The following ABTB3 variants were observed in gnomAD, a reference collection of about 807,000 sequenced individuals.
ABTB3 encodes the protein ankyrin repeat and BTB domain containing 3.
At chr12:107,656,403 T>A in the ABTB3 span, among the ~76,000 whole-genome samples, 1 of 152,248 alleles carries the variant, frequency 6.6e-6, no homozygotes, top group Non-Finnish European at 1.5e-5. Flanking sequence ...TATTTTCAAC[T>A]TTCCAGACCA....
the ABTB3 span, among the ~76,000 whole-genome samples, chr12:107,529,937 T>C: frequency 6.6e-6 from 1 of 152,176 alleles, no homozygotes; most frequent in African/African-American, 2.4e-5. Flanking sequence ...AAACATGTAA[T>C]GTGTTAGACT....
the ABTB3 span, chr12:107,319,485 C>A: frequency 1.6e-5 from 25 of 1,596,594 alleles, no homozygotes; most frequent in Non-Finnish European, 1.7e-5. Flanking sequence ...ACGGCGGCTG[C>A]GCTGGCCGCA....
chr12:107,504,187 T>A, the ABTB3 span, among the ~76,000 whole-genome samples: 471 of 152,340 alleles, frequency 3.1e-3, no homozygotes, highest in African/African-American at 0.011. Flanking sequence ...TTCTAATGTT[T>A]TTAAAAGACA....
chr12:107,453,349 TGGTATTAAAAG>T, the ABTB3 span, among the ~76,000 whole-genome samples: 2 of 152,132 alleles, frequency 1.3e-5, no homozygotes, highest in African/African-American at 4.8e-5. Flanking sequence ...CCCAAGGTGA[TGGTATTAAAAG>T]GTGGGGCCTT....
chr12:107,384,431 A>G, the ABTB3 span, among the ~76,000 whole-genome samples: 1 of 152,200 alleles, frequency 6.6e-6, no homozygotes, highest in Non-Finnish European at 1.5e-5. Flanking sequence ...GCATTGGCCC[A>G]GAATGGAGAC....
chr12:107,434,252 G>A, the ABTB3 span, among the ~76,000 whole-genome samples: 2 of 152,180 alleles, frequency 1.3e-5, no homozygotes, highest in Non-Finnish European at 2.9e-5. Flanking sequence ...ATCAGTCTAT[G>A]GTTGGGAGCT....
chr12:107,471,745 C>G, the ABTB3 span, among the ~76,000 whole-genome samples: 1 of 152,158 alleles, frequency 6.6e-6, no homozygotes, highest in Non-Finnish European at 1.5e-5. Flanking sequence ...GGAGGAAGAA[C>G]ACCCCTCACA....
At chr12:107,444,015 G>T in the ABTB3 span, among the ~76,000 whole-genome samples, 1 of 152,094 alleles carries the variant, frequency 6.6e-6, no homozygotes, top group Non-Finnish European at 1.5e-5. Flanking sequence ...CCTCAGCTTC[G>T]AGTCTCCAGA....
At chr12:107,546,809 G>A in the ABTB3 span, among the ~76,000 whole-genome samples, 2 of 152,198 alleles carry the variant, frequency 1.3e-5, no homozygotes, top group African/African-American at 2.4e-5. Flanking sequence ...AGGTAGCAGT[G>A]AGCCAAGATC....
At chr12:107,566,015 A>T in the ABTB3 span, among the ~76,000 whole-genome samples, 1 of 152,140 alleles carries the variant, frequency 6.6e-6, no homozygotes, top group Non-Finnish European at 1.5e-5. Context: ...TCACCTCCAG[A>T]TTCAGCAAAA....
chr12:107,427,535 G>A, the ABTB3 span, among the ~76,000 whole-genome samples: 2 of 152,048 alleles, frequency 1.3e-5, no homozygotes, highest in Admixed American at 6.6e-5. Context: ...TGTGAGCCAC[G>A]GTGCCTGGCT....
chr12:107,461,859 C>T, the ABTB3 span, among the ~76,000 whole-genome samples: 1 of 152,132 alleles, frequency 6.6e-6, no homozygotes, highest in African/African-American at 2.4e-5. Flanking sequence ...CAAATGCTCC[C>T]CTGCTGGCAT....
chr12:107,642,258 C>T, the ABTB3 span: 1 of 1,222,580 alleles, frequency 8.2e-7, no homozygotes, highest in Non-Finnish European at 1.2e-6. Context: ...GGATTGGCCA[C>T]TTGGAGAAGT....
At chr12:107,320,108 C>T in the ABTB3 span, 1 of 1,387,724 alleles carries the variant, frequency 7.2e-7, no homozygotes, top group Non-Finnish European at 9.4e-7. Context: ...CTCCCTCTCA[C>T]CTAACCTGGC....
At chr12:107,520,745 A>G in the ABTB3 span, 3 of 1,402,294 alleles carry the variant, frequency 2.1e-6, no homozygotes, top group Middle Eastern at 2.1e-4. Context: ...TTTTGTAATC[A>G]GCGGGGTGAC....
chr12:107,406,344 C>T, the ABTB3 span, among the ~76,000 whole-genome samples: 157 of 152,304 alleles, frequency 1.0e-3, no homozygotes, highest in African/African-American at 3.7e-3. Context: ...ATGGGAGGAT[C>T]GCTTGAGCCT....
chr12:107,353,225 C>A, the ABTB3 span, among the ~76,000 whole-genome samples: 1 of 152,248 alleles, frequency 6.6e-6, no homozygotes, highest in African/African-American at 2.4e-5. Context: ...TAGGGAGTAC[C>A]CACTAAGTGC....
the ABTB3 span, among the ~76,000 whole-genome samples, chr12:107,611,396 G>C: frequency 6.6e-6 from 1 of 152,190 alleles, no homozygotes; most frequent in South Asian, 2.1e-4. Context: ...GCCCAGGCTT[G>C]TCTTGAACTC....
At chr12:107,555,359 G>C in the ABTB3 span, among the ~76,000 whole-genome samples, 4 of 152,174 alleles carry the variant, frequency 2.6e-5, no homozygotes, top group Non-Finnish European at 5.9e-5. Flanking sequence ...TCTCAGCCGA[G>C]GGGTAGAAAT....
Sources: allele counts gnomAD v4.1 joint callset (sites outside exome capture counted in the v4.1 genomes callset), GRCh38; gene constraint gnomAD v4.1.1; transcripts MANE v1.5; gene names NCBI Gene and HGNC (gene_info 2026-07-23, HGNC 2026-07-21).